CSRNP3: variants seen among roughly 807,000 people sequenced by gnomAD.
CSRNP3 encodes cysteine and serine rich nuclear protein 3, also known as cysteine/serine-rich nuclear protein 3.
CSRNP3 carries 12 observed loss-of-function variants against 48.0 expected under a neutral mutation model. The ratio of observed to expected loss-of-function variants is 0.25; its 90% CI spans 0.16 to 0.41. The LOEUF is 0.41. CSRNP3 is among the 10% of genes least tolerant of loss of function. The pLI is 1.00. For missense variants in CSRNP3, 580 were observed against 724.4 expected (o/e 0.80, Z 2.29); for synonymous variants, 263 against 269.7 (o/e 0.98, Z 0.24).
At chr2:165,578,825 G>C (rs1429546258) in intron 3 of CSRNP3, among the ~76,000 whole-genome samples, 2 of 152,122 alleles carry the variant, frequency 1.3e-5, no homozygotes, top group African/African-American at 2.4e-5. Flanking sequence ...GGCTGAATAA[G>C]GGAATGGTTA....
chr2:165,484,282 G>A (rs962858885), intron 1 of CSRNP3, among the ~76,000 whole-genome samples: 1 of 151,956 alleles, frequency 6.6e-6, no homozygotes, highest in African/African-American at 2.4e-5. Context: ...TAGTAGAGAT[G>A]GGGTTTCACT....
rs567675515 is a variant in CSRNP3, at chr2:165,625,888, A to T, written c.148+30675A>T. Reference sequence around the variant, plus strand: ...AGAGGTTGCAGTGAGCCGAGATCACACCACTGCACTCCAAAACTCCATCTC... The same window carrying T: ...AGAGGTTGCAGTGAGCCGAGATCACTCCACTGCACTCCAAAACTCCATCTC... On this transcript the variant is annotated intron_variant, in intron 4 of 6. Transcript: ENST00000651982. Among the ~76,000 whole-genome samples the T allele has an allele frequency of 2.2e-4, 32 of 145,818 alleles. No individual in the cohort carries two copies. In the East Asian group the frequency reaches 6.5e-3, roughly 30 times the overall value.
At chr2:165,630,054 A>T (rs956682330) in intron 4 of CSRNP3, among the ~76,000 whole-genome samples, 7 of 152,084 alleles carry the variant, frequency 4.6e-5, no homozygotes, top group African/African-American at 1.7e-4. Flanking sequence ...TCTTTCAAAG[A>T]CTCTCAACAG....
intron 1 of CSRNP3, among the ~76,000 whole-genome samples, chr2:165,478,350 CA>C (rs1683996677): frequency 6.6e-6 from 1 of 152,166 alleles, no homozygotes; most frequent in African/African-American, 2.4e-5. Context: ...CATTCTTCAT[CA>C]GAGTAATATA....
At chr2:165,533,656 A>G (rs1684844972) in intron 3 of CSRNP3, among the ~76,000 whole-genome samples, 1 of 151,860 alleles carries the variant, frequency 6.6e-6, no homozygotes, top group Non-Finnish European at 1.5e-5. Context: ...GGACACAAGA[A>G]TTTTTCTCTT....
At chr2:165,674,903 G>A (rs1252634649) in intron 5 of CSRNP3, among the ~76,000 whole-genome samples, 3 of 151,424 alleles carry the variant, frequency 2.0e-5, no homozygotes, top group Non-Finnish European at 4.4e-5. Context: ...GATAGAGATG[G>A]GGTTTCATCA....
chr2:165,532,931 G>A lies in CSRNP3; in HGVS notation c.-24+14970G>A, dbSNP rs559690778. Among the ~76,000 whole-genome samples the A allele has an allele frequency of 2.6e-5, 4 of 152,156 alleles. No individual in the cohort carries two copies. In the South Asian group the frequency reaches 8.3e-4, roughly 32 times the overall value. On this transcript the variant is annotated intron_variant, in intron 3 of 6. Coordinates refer to ENST00000651982, the MANE Select transcript of CSRNP3 (RefSeq NM_001172173.2). ...TACACCAATAACAGACAAACAGAGAGCCAAATCATGAGTGAATTCCCATTC... is the reference window on the plus strand; with the variant it reads ...TACACCAATAACAGACAAACAGAGAACCAAATCATGAGTGAATTCCCATTC...
intron 4 of CSRNP3, among the ~76,000 whole-genome samples, chr2:165,656,525 A>T (rs1687007964): frequency 6.6e-6 from 1 of 152,218 alleles, no homozygotes; most frequent in African/African-American, 2.4e-5. Context: ...TCATAAATAT[A>T]TATAATTTTT....
At chr2:165,476,051 A>T (rs1450376324) in intron 1 of CSRNP3, among the ~76,000 whole-genome samples, 1 of 152,222 alleles carries the variant, frequency 6.6e-6, no homozygotes, top group African/African-American at 2.4e-5. Flanking sequence ...ATGTTTGTGT[A>T]AGAAAATATA....
intron 3 of CSRNP3, among the ~76,000 whole-genome samples, chr2:165,557,114 G>A (rs1005614468): frequency 6.6e-6 from 1 of 152,104 alleles, no homozygotes. Context: ...CTACCCATTT[G>A]TATATGGCCT....
intron 4 of CSRNP3, among the ~76,000 whole-genome samples, chr2:165,652,595 C>T (rs112222781): frequency 0.031 from 4,739 of 152,114 alleles, 220 homozygotes; most frequent in African/African-American, 0.098. Flanking sequence ...CAGACTGGAG[C>T]GCAGTAGTGT....
intron 3 of CSRNP3, among the ~76,000 whole-genome samples, chr2:165,561,724 A>G (rs558558752): frequency 1.3e-5 from 2 of 152,256 alleles, no homozygotes; most frequent in African/African-American, 4.8e-5. Context: ...ACCCCACAGT[A>G]TGTTCTTTCT....
rs573196302 is a variant in CSRNP3 at position 165,564,985 on chromosome 2, T to C, written c.-23-30058T>C. ...GTATAAATATGATGCAATGAATATA[T>C]AGAGACAACTTTAAAGCACCTCACT... is the stretch of plus-strand genomic sequence containing the variant. On this transcript the variant is annotated intron_variant, in intron 3 of 6. Transcript: ENST00000651982. Among the ~76,000 whole-genome samples the C allele has an allele frequency of 1.1e-4, 17 of 152,172 alleles. 1 individual carries two copies. The highest frequency in any genetic ancestry group is 3.4e-3 in the Middle Eastern group (1 of 294).
chr2:165,478,909 T>C (rs189211454), intron 1 of CSRNP3, among the ~76,000 whole-genome samples: 211 of 152,346 alleles, frequency 1.4e-3, no homozygotes, highest in African/African-American at 4.7e-3. Flanking sequence ...TCACAGAATT[T>C]AGTTTCTAAC....
intron 3 of CSRNP3, among the ~76,000 whole-genome samples, chr2:165,552,018 T>C (rs777995360): frequency 6.6e-6 from 1 of 152,238 alleles, no homozygotes; most frequent in Non-Finnish European, 1.5e-5. Flanking sequence ...GACAGCTATA[T>C]TCCTTGCTTA....
chr2:165,673,057 G>A (rs983337435), intron 5 of CSRNP3, among the ~76,000 whole-genome samples: 6 of 144,448 alleles, frequency 4.2e-5, no homozygotes, highest in Non-Finnish European at 9.1e-5. Flanking sequence ...TCACTTCAAT[G>A]TTAATGTCAG....
intron 2 of CSRNP3, among the ~76,000 whole-genome samples, chr2:165,506,133 G>T (rs1209399757): frequency 1.3e-5 from 2 of 152,048 alleles, no homozygotes; most frequent in Admixed American, 1.3e-4. Context: ...TGGGATTACG[G>T]GTTCCCCAGA....
chr2:165,486,220 T>C (rs1359941811), intron 1 of CSRNP3, among the ~76,000 whole-genome samples: 2 of 152,074 alleles, frequency 1.3e-5, no homozygotes, highest in African/African-American at 2.4e-5. Context: ...CCCACCCGAT[T>C]ATTGCGCTTT....
In CSRNP3 at chr2:165,678,910, C is replaced by T. The variant is rs534759881; in HGVS notation, c.915C>T (p.Val305=). ...CTCACAGTAGTTCTATGGGCCCTGT[C>T]GCTCACTCCGTAGAATATTCAATCG... ...ISAHSSSMGP[V]AHSVEYSIAD... Residue 305 remains valine (V), a synonymous_variant, in exon 7 of 7, where the codon GTC becomes GTT. Transcript: ENST00000651982. 9.7e-5 allele frequency: 156 copies of T among 1,614,010 alleles called. 1 individual carries two copies. The South Asian group carries it at 1.5e-3, about 16-fold the overall frequency.
Sources: allele counts gnomAD v4.1 joint callset (sites outside exome capture counted in the v4.1 genomes callset), GRCh38; gene constraint gnomAD v4.1.1; transcripts MANE v1.5; gene names NCBI Gene and HGNC (gene_info 2026-07-23, HGNC 2026-07-21).